The following PHF21A variants were observed in gnomAD, a reference collection of about 807,000 sequenced individuals.
The protein encoded by PHF21A is BHC80a.
Under a neutral mutation model 82.5 loss-of-function variants are expected in PHF21A, and 11 were observed. The observed-to-expected ratio is 0.13, with a 90% CI of 0.08 to 0.22. The LOEUF (loss-of-function observed/expected upper bound fraction) is 0.22. Ranked by LOEUF, PHF21A falls within the 10% of genes least tolerant of loss-of-function variation. The probability of loss-of-function intolerance (pLI) is 1.00; values close to 1 mark genes in which losing one functional copy is unlikely to be tolerated. For synonymous variants in PHF21A, 297 were observed against 302.8 expected (o/e 0.98, Z 0.20); for missense variants, 579 against 837.8 (o/e 0.69, Z 3.81).
intron 1 of PHF21A, among the ~76,000 whole-genome samples, chr11:46,103,295 A>G (rs939579859): frequency 2.6e-5 from 4 of 152,246 alleles, no homozygotes; most frequent in African/African-American, 7.2e-5. Flanking sequence ...GATTCTGCAA[A>G]GAGCTAAAGT....
chr11:45,989,771 G>A (rs2094618016), intron 6 of PHF21A, among the ~76,000 whole-genome samples: 1 of 152,142 alleles, frequency 6.6e-6, no homozygotes. Context: ...GGCCAATGCA[G>A]GAGGACTGCT....
At chr11:45,996,142 C>T (rs1481839342) in intron 6 of PHF21A, among the ~76,000 whole-genome samples, 5 of 152,072 alleles carry the variant, frequency 3.3e-5, no homozygotes, top group Admixed American at 6.6e-5. Context: ...TGAGGTCTCA[C>T]TGAATTGCCC....
At chr11:45,986,084 A>ACACACACACACACACACAC (rs10529223) in intron 6 of PHF21A, among the ~76,000 whole-genome samples, 1 of 132,202 alleles carries the variant, frequency 7.6e-6, no homozygotes, top group Non-Finnish European at 1.6e-5. Flanking sequence ...CTTCCTTCAA[A>ACACACACACACACACACAC]ACACACACAC....
At chr11:46,066,745 A>G (rs2096598770) in intron 6 of PHF21A, among the ~76,000 whole-genome samples, 1 of 152,118 alleles carries the variant, frequency 6.6e-6, no homozygotes, top group African/African-American at 2.4e-5. Flanking sequence ...TTTAAATAAC[A>G]AAAGCATATA....
intron 16 of PHF21A, 33 bp downstream of exon 16, chr11:45,938,124 C>A: frequency 6.6e-7 from 1 of 1,520,076 alleles, no homozygotes; most frequent in South Asian, 1.3e-5. Flanking sequence ...TTGTCCTCCT[C>A]GGCCCCTCCC....
rs553743203 is a variant in PHF21A, at chr11:46,100,180, G to A, written c.-236-7957C>T. Among the ~76,000 whole-genome samples, 11 of 152,086 alleles carry A rather than the reference G, an allele frequency of 7.2e-5. No individual in the cohort carries two copies. In the East Asian group the frequency reaches 2.1e-3, roughly 29 times the overall value. On this transcript the variant is annotated intron_variant, in intron 1 of 18. Transcript: ENST00000676320. ...AAAGCAATACAGACCTCAAAAAGAA[G>A]TTGTTTGCTTGATATTAATGCTAGC...
chr11:46,111,443 T>C (rs1275396986), intron 1 of PHF21A, among the ~76,000 whole-genome samples: 2 of 151,926 alleles, frequency 1.3e-5, no homozygotes, highest in African/African-American at 2.4e-5. Context: ...GCACTCCATA[T>C]CCAGCCTGGG....
At chr11:46,022,128 C>T (rs1290232955) in intron 6 of PHF21A, among the ~76,000 whole-genome samples, 1 of 152,080 alleles carries the variant, frequency 6.6e-6, no homozygotes, top group East Asian at 1.9e-4. Context: ...TAGAACAAAA[C>T]CATGTACTGT....
intron 1 of PHF21A, among the ~76,000 whole-genome samples, chr11:46,118,561 T>A (rs542285898): frequency 5.6e-4 from 86 of 152,328 alleles, no homozygotes; most frequent in Non-Finnish European, 1.1e-3. Context: ...GAAATTTTTT[T>A]ATAAACATTA....
At chr11:45,952,741 C>G (rs747048795) in intron 11 of PHF21A, among the ~76,000 whole-genome samples, 1 of 152,140 alleles carries the variant, frequency 6.6e-6, no homozygotes, top group Non-Finnish European at 1.5e-5. Flanking sequence ...TGGCTTTATG[C>G]CACTATTTCA....
intron 17 of PHF21A, 69 bp downstream of exon 17, chr11:45,936,421 AAAAC>A: frequency 1.1e-6 from 1 of 876,236 alleles, no homozygotes; most frequent in Middle Eastern, 2.3e-4. Context: ...TTTTGAGAAT[AAAAC>A]AAATACTGCC....
intron 1 of PHF21A, among the ~76,000 whole-genome samples, chr11:46,098,464 T>C (rs1366682504): frequency 6.6e-6 from 1 of 152,206 alleles, no homozygotes; most frequent in African/African-American, 2.4e-5. Flanking sequence ...CAAAAACTGT[T>C]AGAACCATTT....
rs904254925 is a variant in PHF21A at position 45,930,029 on chromosome 11, C to G, written c.*3939G>C. 1 of 152,280 alleles carries G rather than the reference C, an allele frequency of 6.6e-6. No homozygotes were observed. The highest frequency in any genetic ancestry group is 1.5e-5 in the Non-Finnish European group (1 of 68,082). 9.4% of individuals were successfully genotyped at this position (152,280 alleles called of 1,614,324 possible). ...CTGGAAAATGCACCTGGGCCACCAT[C>G]CATCTCATTACCCTAAGAGCCTTTT... On this transcript the variant is annotated 3_prime_UTR_variant, in exon 19 of 19. Coordinates refer to ENST00000676320, the MANE Select transcript of PHF21A (RefSeq NM_001352027.3).
chr11:45,979,021 CT>C (rs1165901172), intron 7 of PHF21A, among the ~76,000 whole-genome samples: 183 of 142,830 alleles, frequency 1.3e-3, no homozygotes, highest in Admixed American at 1.2e-3. Flanking sequence ...TAGCACTCTT[CT>C]TTTTTTTTTT....
chr11:46,029,628 C>T (rs949955315), intron 6 of PHF21A, among the ~76,000 whole-genome samples: 6 of 147,916 alleles, frequency 4.1e-5, no homozygotes, highest in African/African-American at 1.0e-4. Context: ...GCAAAGGTTG[C>T]GGTGAGCCAA....
Position 45,953,667 on chromosome 11 carries a change from T to C in PHF21A, c.997-42A>G, listed in dbSNP as rs757113475. 4.6e-6 allele frequency: 6 copies of C among 1,312,832 alleles called. No homozygotes were observed. The East Asian group carries it at 9.6e-5, about 21-fold the overall frequency. The allele number at this position is 1,312,832 out of a possible 1,614,324, so 81.3% of individuals were successfully genotyped here. A position where few individuals can be genotyped will look rare whatever the true frequency, so the allele number is the denominator to read the frequency against. On this transcript the variant is annotated intron_variant, in intron 10 of 18. Transcript: ENST00000676320. Reference sequence around the variant, plus strand: ...AAATAAAAATTCAGAATTCGTTTTTTATTAAAAGGATGAAGCAATCAGAAG... The same window carrying C: ...AAATAAAAATTCAGAATTCGTTTTTCATTAAAAGGATGAAGCAATCAGAAG...
chr11:46,118,356 GCCAA>G (rs1851972326), intron 1 of PHF21A, among the ~76,000 whole-genome samples: 1 of 148,644 alleles, frequency 6.7e-6, no homozygotes, highest in Admixed American at 6.7e-5. Flanking sequence ...ATTATGGGCA[GCCAA>G]GCAATGTCAG....
intron 6 of PHF21A, among the ~76,000 whole-genome samples, chr11:45,981,116 T>C (rs1354945192): frequency 6.6e-6 from 1 of 152,116 alleles, no homozygotes; most frequent in Admixed American, 6.5e-5. Context: ...CCCAACACGG[T>C]GGCTCATGCC....
At chr11:46,062,788 C>G (rs1446646809) in intron 6 of PHF21A, among the ~76,000 whole-genome samples, 2 of 152,134 alleles carry the variant, frequency 1.3e-5, no homozygotes, top group African/African-American at 4.8e-5. Flanking sequence ...AAAAACACAC[C>G]TACTATACAA....
Sources: gnomAD v4.1 joint callset for allele counts (sites outside exome capture counted in the v4.1 genomes callset) on GRCh38, gnomAD v4.1.1 for gene constraint, MANE v1.5 for transcripts, NCBI Gene and HGNC (gene_info 2026-07-23, HGNC 2026-07-21) for gene names.